Variants in C1orf21 observed in about 807,000 individuals in gnomAD.
The protein encoded by C1orf21 is uncharacterized protein C1orf21.
Under a neutral mutation model 18.7 loss-of-function variants are expected in C1orf21, and 3 were observed. The observed-to-expected ratio is 0.16, with a 90% CI of 0.07 to 0.42. The LOEUF (loss-of-function observed/expected upper bound fraction) is 0.42, where lower values mean the gene tolerates loss of function less well. C1orf21 is among the 10% of genes least tolerant of loss of function. C1orf21 has a pLI of 0.99. For synonymous variants in C1orf21, 41 were observed against 46.4 expected, an observed-to-expected ratio of 0.88 and a Z score of 0.47; for missense variants, 104 against 143.6, an observed-to-expected ratio of 0.72 and a Z score of 1.41.
At chr1:184,588,242 A>G (rs1055537039) in intron 3 of C1orf21, among the ~76,000 whole-genome samples, 3 of 152,230 alleles carry the variant, frequency 2.0e-5, no homozygotes, top group Non-Finnish European at 4.4e-5. Flanking sequence ...AACTGACAGT[A>G]TCTCTTGCCA....
At chr1:184,439,345 G>A (rs971680545) in intron 1 of C1orf21, among the ~76,000 whole-genome samples, 3 of 151,588 alleles carry the variant, frequency 2.0e-5, no homozygotes, top group African/African-American at 7.3e-5. Context: ...ACCTTGAACA[G>A]GTTACTTACT....
At chr1:184,598,298 A>T in intron 4 of C1orf21, 103 bp from the exon 5 acceptor site, 2 of 1,004,916 alleles carry the variant, frequency 2.0e-6, no homozygotes, top group East Asian at 5.0e-5. Context: ...TCTGCAATAA[A>T]TAAATGTCTT....
intron 2 of C1orf21, among the ~76,000 whole-genome samples, chr1:184,506,042 G>C (rs576117261): frequency 1.4e-4 from 22 of 151,942 alleles, no homozygotes; most frequent in African/African-American, 4.8e-4. Context: ...ATACCAAGTT[G>C]GTATGTAGAA....
chr1:184,424,311 A>G (rs1305100840), intron 1 of C1orf21, among the ~76,000 whole-genome samples: 2 of 152,168 alleles, frequency 1.3e-5, no homozygotes, highest in Admixed American at 6.5e-5. Flanking sequence ...TTTACAATTC[A>G]TATCTCAGCC....
intron 3 of C1orf21, among the ~76,000 whole-genome samples, chr1:184,574,618 G>A (rs1358450517): frequency 6.6e-6 from 1 of 152,118 alleles, no homozygotes; most frequent in Admixed American, 6.5e-5. Flanking sequence ...AGTAGGAAAA[G>A]ATTTTCACTT....
At chr1:184,613,399 G>T (rs1659769886) in intron 5 of C1orf21, among the ~76,000 whole-genome samples, 1 of 152,228 alleles carries the variant, frequency 6.6e-6, no homozygotes, top group South Asian at 2.1e-4. Context: ...ATAATGGACA[G>T]TGGGATTCTA....
intron 2 of C1orf21, among the ~76,000 whole-genome samples, chr1:184,490,844 TG>T (rs1657806268): frequency 6.6e-6 from 1 of 152,164 alleles, no homozygotes. Flanking sequence ...TGATTATCTC[TG>T]GGTGGTGCTG....
chr1:184,558,301 G>A (rs1658907581), intron 3 of C1orf21, among the ~76,000 whole-genome samples: 1 of 152,132 alleles, frequency 6.6e-6, no homozygotes, highest in South Asian at 2.1e-4. Flanking sequence ...ATGTTCATCA[G>A]TAAATTATTC....
At chr1:184,523,073 C>G (rs1029019709) in intron 3 of C1orf21, among the ~76,000 whole-genome samples, 1 of 152,078 alleles carries the variant, frequency 6.6e-6, no homozygotes, top group East Asian at 1.9e-4. Flanking sequence ...TACATGCAGG[C>G]GAATTGATAA....
chr1:184,606,901 C>T (rs1344903485), intron 5 of C1orf21, among the ~76,000 whole-genome samples: 3 of 152,120 alleles, frequency 2.0e-5, no homozygotes, highest in African/African-American at 7.2e-5. Flanking sequence ...TAAACAGCAC[C>T]CTCCATAGCA....
chr1:184,619,757 GT>G lies in C1orf21; in HGVS notation c.*203del. On this transcript the variant is annotated 3_prime_UTR_variant, in exon 6 of 6. Transcript: ENST00000235307. ...TTGCTAAAAACAAACAAAAAAAACT[GT>G]TATCGAACTTTCTTTGTTGCTGCTA... 2.2e-6 allele frequency: 1 copy of G among 454,522 alleles called. No homozygotes were observed. The highest frequency in any genetic ancestry group is 3.8e-6 in the Non-Finnish European group (1 of 263,748). 28.2% of individuals were successfully genotyped at this position (454,522 alleles called of 1,614,324 possible).
chr1:184,455,400 G>A (rs1417921883), intron 1 of C1orf21, among the ~76,000 whole-genome samples: 1 of 152,166 alleles, frequency 6.6e-6, no homozygotes, highest in Non-Finnish European at 1.5e-5. Flanking sequence ...GTCTGGGCTA[G>A]GGCTGAGATT....
At chr1:184,474,981 A>G (rs1303338817) in intron 1 of C1orf21, among the ~76,000 whole-genome samples, 1 of 152,194 alleles carries the variant, frequency 6.6e-6, no homozygotes, top group Non-Finnish European at 1.5e-5. Flanking sequence ...AGCAGCAGCA[A>G]TAACAACAAC....
Position 184,431,703 on chromosome 1 carries a change from T to A in C1orf21, c.-125+44335T>A, listed in dbSNP as rs527976381. On this transcript the variant is annotated intron_variant, in intron 1 of 5. Transcript: ENST00000235307. ...AGGCAACCTACAGAATGGGAGAAAA[T>A]TTTTGCAATCTATCCATCTTACAAA... 2.0e-5 allele frequency among the ~76,000 whole-genome samples: 3 copies of A among 151,940 alleles called. No homozygotes were observed. The East Asian group carries it at 5.8e-4, about 29-fold the overall frequency.
intron 2 of C1orf21, among the ~76,000 whole-genome samples, chr1:184,478,329 A>G (rs1241398946): frequency 1.3e-5 from 2 of 152,210 alleles, no homozygotes; most frequent in African/African-American, 4.8e-5. Context: ...CTGTTGAATC[A>G]AAATGACTTT....
chr1:184,588,595 G>A lies in C1orf21; in HGVS notation c.190-2144G>A, dbSNP rs147201492. Among the ~76,000 whole-genome samples, 165 of 152,188 alleles carry A rather than the reference G, an allele frequency of 1.1e-3. 1 individual carries two copies. Among genetic ancestry groups the A allele is most frequent in the African/African-American group, 3.8e-3 (157 of 41,520 alleles). Reference sequence around the variant, plus strand: ...CCTCAGCTTCCTCATCTGTAAAATGGGGATAATAATGGTACCCAACCGTGA... The same window carrying A: ...CCTCAGCTTCCTCATCTGTAAAATGAGGATAATAATGGTACCCAACCGTGA... On this transcript the variant is annotated intron_variant, in intron 3 of 5. Transcript: ENST00000235307.
chr1:184,603,275 T>A (rs758188792), intron 5 of C1orf21, among the ~76,000 whole-genome samples: 22 of 152,238 alleles, frequency 1.4e-4, no homozygotes, highest in Non-Finnish European at 2.5e-4. Flanking sequence ...TGAGTGCAGA[T>A]GACACCATGC....
intron 2 of C1orf21, among the ~76,000 whole-genome samples, chr1:184,480,074 A>T (rs918343991): frequency 6.6e-6 from 1 of 152,212 alleles, no homozygotes; most frequent in Non-Finnish European, 1.5e-5. Flanking sequence ...GAGGTAGAAT[A>T]AGCCAAATGC....
chr1:184,586,878 G>A (rs1211838730), intron 3 of C1orf21, among the ~76,000 whole-genome samples: 1 of 152,084 alleles, frequency 6.6e-6, no homozygotes, highest in Non-Finnish European at 1.5e-5. Flanking sequence ...CCAAAATGCT[G>A]TTGCCTAGGT....
Sources: gnomAD v4.1 joint callset for allele counts (sites outside exome capture counted in the v4.1 genomes callset) on GRCh38, gnomAD v4.1.1 for gene constraint, MANE v1.5 for transcripts, NCBI Gene and HGNC (gene_info 2026-07-23, HGNC 2026-07-21) for gene names.